Variants in TTLL5 observed in about 807,000 individuals in gnomAD.
The protein encoded by TTLL5 is tubulin tyrosine ligase like 5.
Under a neutral mutation model 168.4 loss-of-function variants are expected in TTLL5, and 132 were observed. The observed-to-expected ratio is 0.78, with a 90% confidence interval of 0.68 to 0.91. The LOEUF (loss-of-function observed/expected upper bound fraction) is 0.91. TTLL5 is among the 40% of genes least tolerant of loss of function. The pLI, the probability that TTLL5 is intolerant of heterozygous loss-of-function variation, is 0.00. For missense variants in TTLL5, 1,545 were observed against 1,581.5 expected, an observed-to-expected ratio of 0.98 and a Z score of 0.39; for synonymous variants, 546 against 558.6, an observed-to-expected ratio of 0.98 and a Z score of 0.32.
chr14:75,811,774 T>C (rs1894056161), intron 27 of TTLL5, among the ~76,000 whole-genome samples: 1 of 152,196 alleles, frequency 6.6e-6, no homozygotes, highest in African/African-American at 2.4e-5. Context: ...CTTCAAACCC[T>C]CTTCACATAC....
intron 28 of TTLL5, among the ~76,000 whole-genome samples, chr14:75,829,061 G>A (rs1019045580): frequency 6.6e-6 from 1 of 152,316 alleles, no homozygotes; most frequent in East Asian, 1.9e-4. Context: ...AAAGCAATAT[G>A]TGCTTAATTA....
chr14:75,707,949 G>T (rs990258700), intron 9 of TTLL5, among the ~76,000 whole-genome samples: 1 of 152,172 alleles, frequency 6.6e-6, no homozygotes, highest in Non-Finnish European at 1.5e-5. Context: ...CACACATAAG[G>T]TGTGTAAACA....
intron 27 of TTLL5, among the ~76,000 whole-genome samples, chr14:75,799,064 T>C (rs750284176): frequency 1.3e-5 from 2 of 152,154 alleles, no homozygotes; most frequent in East Asian, 1.9e-4. Context: ...CAGTGGAGTA[T>C]TGAAGTTTCC....
At chr14:75,924,198 A>G (rs2033926000) in intron 31 of TTLL5, among the ~76,000 whole-genome samples, 1 of 151,390 alleles carries the variant, frequency 6.6e-6, no homozygotes, top group Admixed American at 6.6e-5. Context: ...GTGTCTTTCA[A>G]TTGGGGCATT....
At chr14:75,942,964 G>A (rs1347564438) in intron 31 of TTLL5, among the ~76,000 whole-genome samples, 1 of 152,174 alleles carries the variant, frequency 6.6e-6, no homozygotes, top group East Asian at 1.9e-4. Context: ...TGCCAAGTGA[G>A]TGTATAAAGA....
intron 31 of TTLL5, among the ~76,000 whole-genome samples, chr14:75,905,853 T>C (rs1288902630): frequency 2.6e-5 from 4 of 152,210 alleles, no homozygotes; most frequent in Admixed American, 2.6e-4. Flanking sequence ...CCTAAGCCTT[T>C]CCTGTTCTGG....
intron 29 of TTLL5, among the ~76,000 whole-genome samples, chr14:75,868,355 G>A (rs1028363020): frequency 1.1e-4 from 16 of 152,096 alleles, no homozygotes; most frequent in Non-Finnish European, 4.4e-5. Context: ...GGTCTCTTTC[G>A]AAACCCCTTC....
At chr14:75,664,534 T>C (rs1475935569) in intron 2 of TTLL5, among the ~76,000 whole-genome samples, 1 of 152,252 alleles carries the variant, frequency 6.6e-6, no homozygotes, top group African/African-American at 2.4e-5. Flanking sequence ...GCATTATTTT[T>C]ACTGGTTTTA....
At chr14:75,874,076 CTTTA>C (rs143951017) in intron 29 of TTLL5, among the ~76,000 whole-genome samples, 115,838 of 149,884 alleles carry the variant, frequency 0.77, 45,009 homozygotes, top group East Asian at 0.86. Context: ...AATGGTTATT[CTTTA>C]TTTATTTATT....
At chr14:75,834,716 G>A (rs1159219522) in intron 28 of TTLL5, among the ~76,000 whole-genome samples, 1 of 152,086 alleles carries the variant, frequency 6.6e-6, no homozygotes, top group Admixed American at 6.6e-5. Flanking sequence ...GATGGATTAG[G>A]TCAGGACTTT....
intron 2 of TTLL5, among the ~76,000 whole-genome samples, chr14:75,668,547 T>C (rs1883474119): frequency 6.6e-6 from 1 of 152,228 alleles, no homozygotes; most frequent in Non-Finnish European, 1.5e-5. Context: ...TAAATATTCA[T>C]CAGCCTAAAA....
At chr14:75,842,926 A>T (rs1479299358) in intron 28 of TTLL5, among the ~76,000 whole-genome samples, 2 of 152,192 alleles carry the variant, frequency 1.3e-5, no homozygotes. Flanking sequence ...CACTTTGAAG[A>T]AATCCTGGTA....
intron 15 of TTLL5, among the ~76,000 whole-genome samples, chr14:75,736,373 T>C (rs919707369): frequency 6.6e-6 from 1 of 150,774 alleles, no homozygotes; most frequent in Non-Finnish European, 1.5e-5. Flanking sequence ...GAAATCCATA[T>C]ACTATTATTT....
intron 17 of TTLL5, among the ~76,000 whole-genome samples, chr14:75,746,684 T>A (rs1889637813): frequency 6.6e-6 from 1 of 151,822 alleles, no homozygotes; most frequent in Non-Finnish European, 1.5e-5. Context: ...CACCTCAGCC[T>A]GCCAGGTAGC....
intron 29 of TTLL5, among the ~76,000 whole-genome samples, chr14:75,874,933 C>CTTTGTTTTTTTTTTTTTTTTT (rs2031349385): frequency 1.0e-5 from 1 of 97,546 alleles, no homozygotes; most frequent in Admixed American, 1.1e-4. Flanking sequence ...CACTGGGGGC[C>CTTTGTTTTTTTTTTTTTTTTT]TTTTTTTTTT....
rs186817334 is a variant in TTLL5 at position 75,937,200 on chromosome 14, G to A, written c.3824-17224G>A. Among the ~76,000 whole-genome samples the A allele has an allele frequency of 1.2e-3, 175 of 150,920 alleles. 1 individual carries two copies. Among genetic ancestry groups the A allele is most frequent in the African/African-American group, 2.4e-3 (97 of 41,068 alleles). On this transcript the variant is annotated intron_variant, in intron 31 of 31. Coordinates refer to ENST00000298832, the MANE Select transcript of TTLL5 (RefSeq NM_015072.5). ...GGCACGATCTCAGCTCACTGCAACTGCCAACTCCCTGGTTCAAGCGATTCT... is the reference window on the plus strand; with the variant it reads ...GGCACGATCTCAGCTCACTGCAACTACCAACTCCCTGGTTCAAGCGATTCT...
chr14:75,923,058 C>CT (rs1199678171), intron 31 of TTLL5, among the ~76,000 whole-genome samples: 8 of 152,108 alleles, frequency 5.3e-5, no homozygotes, highest in African/African-American at 1.9e-4. Flanking sequence ...GTGATATTCC[C>CT]TTTATCATTT....
intron 26 of TTLL5, among the ~76,000 whole-genome samples, chr14:75,783,842 T>C (rs1892205634): frequency 6.6e-6 from 1 of 152,204 alleles, no homozygotes. Context: ...ATGAGTGTGC[T>C]ATATGCATTC....
intron 28 of TTLL5, chr14:75,838,398 G>GA (rs527691658): frequency 0.02 from 2,755 of 138,954 alleles, 25 homozygotes; most frequent in South Asian, 0.043. Context: ...ACTAAAAATA[G>GA]AAAAAAAAAA....
Sources: allele counts gnomAD v4.1 joint callset (sites outside exome capture counted in the v4.1 genomes callset), GRCh38; gene constraint gnomAD v4.1.1; transcripts MANE v1.5; gene names NCBI Gene and HGNC (gene_info 2026-07-23, HGNC 2026-07-21).